The following CRACDL variants were observed in gnomAD, a reference collection of about 807,000 sequenced individuals.
CRACDL encodes the protein CRACD like, also known as CRACD-like protein.
In CRACDL, 26 loss-of-function variants were observed where a neutral mutation model predicts 70.6. The observed-to-expected ratio is 0.37, with a 90% CI of 0.27 to 0.51. CRACDL has a LOEUF of 0.51. Among genes scored for constraint, CRACDL ranks in the 20% least tolerant of loss-of-function variants. The pLI, the probability that CRACDL is intolerant of heterozygous loss-of-function variation, is 0.94. For missense variants in CRACDL, 1,283 were observed against 1,376.9 expected (o/e 0.93, Z 1.08); for synonymous variants, 618 against 615.2 (o/e 1.00, Z -0.07).
chr2:98,902,019 C>T (rs1378332175), intron 1 of CRACDL, among the ~76,000 whole-genome samples: 2 of 152,016 alleles, frequency 1.3e-5, no homozygotes, highest in African/African-American at 4.8e-5. Context: ...GGAAGAGCCC[C>T]CCATGCCAGG....
At chr2:98,814,226 T>C (rs1704691547) in intron 7 of CRACDL, among the ~76,000 whole-genome samples, 1 of 152,168 alleles carries the variant, frequency 6.6e-6, no homozygotes, top group African/African-American at 2.4e-5. Context: ...TTGCTTTTCT[T>C]TTTCTAGTTC....
At chr2:98,857,568 TA>T (rs1333993128) in intron 1 of CRACDL, among the ~76,000 whole-genome samples, 2 of 152,030 alleles carry the variant, frequency 1.3e-5, no homozygotes, top group Non-Finnish European at 2.9e-5. Flanking sequence ...AAAATAGAAT[TA>T]AAAATCAATA....
At chr2:98,903,587 A>T (rs868721135) in intron 1 of CRACDL, among the ~76,000 whole-genome samples, 2 of 152,216 alleles carry the variant, frequency 1.3e-5, no homozygotes, top group African/African-American at 4.8e-5. Flanking sequence ...GGGCATGCGG[A>T]GGAGACAGAT....
intron 1 of CRACDL, among the ~76,000 whole-genome samples, chr2:98,903,235 A>G (rs553062038): frequency 5.3e-5 from 8 of 152,302 alleles, no homozygotes; most frequent in African/African-American, 1.9e-4. Context: ...TGAAGCCACA[A>G]GGAGCTCCCT....
intron 1 of CRACDL, among the ~76,000 whole-genome samples, chr2:98,918,517 G>A (rs142009118): frequency 0.01 from 1,239 of 121,424 alleles, 24 homozygotes; most frequent in East Asian, 0.082. Flanking sequence ...CAGCCTGGGC[G>A]ACAGAGCAAG....
chr2:98,810,993 T>C (rs913355071), intron 7 of CRACDL, among the ~76,000 whole-genome samples: 9 of 151,494 alleles, frequency 5.9e-5, no homozygotes, highest in African/African-American at 1.9e-4. Context: ...AAGATGCCCA[T>C]GCTTTACTGT....
chr2:98,886,886 T>C (rs1448465102), intron 1 of CRACDL, among the ~76,000 whole-genome samples: 1 of 152,192 alleles, frequency 6.6e-6, no homozygotes, highest in East Asian at 1.9e-4. Flanking sequence ...ATGGTCCACA[T>C]ATAGGGAGCC....
chr2:98,913,391 C>G (rs910241655), intron 1 of CRACDL, among the ~76,000 whole-genome samples: 1 of 152,142 alleles, frequency 6.6e-6, no homozygotes, highest in Non-Finnish European at 1.5e-5. Flanking sequence ...GGGCAGTCAG[C>G]CAGCGGGGCA....
chr2:98,918,710 T>A (rs531685021), intron 1 of CRACDL, among the ~76,000 whole-genome samples: 1 of 152,342 alleles, frequency 6.6e-6, no homozygotes, highest in African/African-American at 2.4e-5. Context: ...TTTTTTCATA[T>A]GCTTGTTGAT....
chr2:98,926,316 T>G (rs1209686299), intron 1 of CRACDL, among the ~76,000 whole-genome samples: 1 of 152,102 alleles, frequency 6.6e-6, no homozygotes. Flanking sequence ...CATAAGCCAC[T>G]GTACCCTCCC....
At chr2:98,887,553 G>A (rs138170275) in intron 1 of CRACDL, among the ~76,000 whole-genome samples, 20 of 152,242 alleles carry the variant, frequency 1.3e-4, no homozygotes, top group African/African-American at 4.3e-4. Flanking sequence ...TGTACACTGA[G>A]AGCCACAGAA....
intron 1 of CRACDL, among the ~76,000 whole-genome samples, chr2:98,847,264 A>G (rs189144386): frequency 3.9e-4 from 59 of 152,338 alleles, no homozygotes; most frequent in African/African-American, 1.3e-3. Context: ...ACATGCACAC[A>G]TATCATATTA....
chr2:98,817,970 T>C (rs1027276877), intron 7 of CRACDL, among the ~76,000 whole-genome samples: 5 of 151,422 alleles, frequency 3.3e-5, no homozygotes, highest in Admixed American at 3.3e-4. Context: ...GACCTAGGAG[T>C]GATTTTTTTT....
intron 1 of CRACDL, among the ~76,000 whole-genome samples, chr2:98,901,482 C>T (rs1184075463): frequency 2.6e-5 from 4 of 152,322 alleles, no homozygotes; most frequent in African/African-American, 9.6e-5. Flanking sequence ...ACCTGGGTGG[C>T]CAGCCCACGT....
intron 7 of CRACDL, among the ~76,000 whole-genome samples, chr2:98,806,584 C>A (rs1217282960): frequency 6.6e-6 from 1 of 152,210 alleles, no homozygotes. Flanking sequence ...ACTGCCGCTG[C>A]CTGTGCAATT....
intron 1 of CRACDL, among the ~76,000 whole-genome samples, chr2:98,852,717 T>C (rs1311878104): frequency 6.6e-6 from 1 of 152,076 alleles, no homozygotes; most frequent in Non-Finnish European, 1.5e-5. Context: ...AACAGCAGAT[T>C]GAAGACATCA....
intron 9 of CRACDL, among the ~76,000 whole-genome samples, chr2:98,795,047 A>AAAAATT (rs1553547096): frequency 0.64 from 23,224 of 36,500 alleles, 7,479 homozygotes; most frequent in East Asian, 0.73. Context: ...AAAAATATAT[A>AAAAATT]TATATATATA....
At chr2:98,839,861 C>G (rs916695207) in intron 2 of CRACDL, among the ~76,000 whole-genome samples, 1 of 152,034 alleles carries the variant, frequency 6.6e-6, no homozygotes, top group African/African-American at 2.4e-5. Flanking sequence ...TGATTGATGC[C>G]TCTTTTCTCA....
chr2:98,850,895 T>C (rs113744100), intron 1 of CRACDL, among the ~76,000 whole-genome samples: 4 of 152,344 alleles, frequency 2.6e-5, no homozygotes, highest in South Asian at 2.1e-4. Flanking sequence ...TCAGCTTCTA[T>C]AGAAATATTT....
Sources: allele counts gnomAD v4.1 joint callset (sites outside exome capture counted in the v4.1 genomes callset), GRCh38; gene constraint gnomAD v4.1.1; transcripts MANE v1.5; gene names NCBI Gene and HGNC (gene_info 2026-07-23, HGNC 2026-07-21).